Variants in NLK observed in about 807,000 individuals in gnomAD.
NLK encodes the protein nemo like kinase.
Under a neutral mutation model 59.0 loss-of-function variants are expected in NLK, and 11 were observed. The ratio of observed to expected loss-of-function variants is 0.19; its 90% CI spans 0.12 to 0.31. The LOEUF is 0.31. NLK is among the 10% of genes least tolerant of loss of function. The probability of loss-of-function intolerance (pLI) is 1.00; values close to 1 mark genes in which losing one functional copy is unlikely to be tolerated. For missense variants in NLK, 410 were observed against 661.1 expected (o/e 0.62, Z 4.16); for synonymous variants, 235 against 235.9 (o/e 1.00, Z 0.03).
At chr17:28,069,584 G>C (rs1219269773) in intron 1 of NLK, among the ~76,000 whole-genome samples, 1 of 152,166 alleles carries the variant, frequency 6.6e-6, no homozygotes, top group Non-Finnish European at 1.5e-5. Flanking sequence ...TAGTGGGTGT[G>C]AAGTAGTATC....
intron 3 of NLK, among the ~76,000 whole-genome samples, chr17:28,158,304 A>G (rs1437398762): frequency 6.6e-6 from 1 of 152,206 alleles, no homozygotes; most frequent in Non-Finnish European, 1.5e-5. Flanking sequence ...AGGTACAGTA[A>G]AAATATGATA....
At chr17:28,074,342 A>G (rs1446379089) in intron 1 of NLK, among the ~76,000 whole-genome samples, 5 of 152,188 alleles carry the variant, frequency 3.3e-5, no homozygotes, top group African/African-American at 1.2e-4. Flanking sequence ...AAAGTTGGAG[A>G]AAAAAATTAC....
chr17:28,125,593 G>A (rs1356811690), intron 2 of NLK, among the ~76,000 whole-genome samples: 1 of 152,080 alleles, frequency 6.6e-6, no homozygotes, highest in African/African-American at 2.4e-5. Flanking sequence ...AGTTGAAGAT[G>A]GCACAGCACC....
intron 1 of NLK, among the ~76,000 whole-genome samples, chr17:28,089,100 G>A (rs1904388685): frequency 6.6e-6 from 1 of 152,120 alleles, no homozygotes; most frequent in Non-Finnish European, 1.5e-5. Context: ...TTTAGATGAT[G>A]TAAAGAACTT....
At chr17:28,171,288 A>G (rs1908454053) in intron 6 of NLK, 1 of 152,234 alleles carries the variant, frequency 6.6e-6, no homozygotes, top group Admixed American at 6.5e-5. Context: ...ATAAGTGCAG[A>G]AAATAGTGCT....
At chr17:28,172,726 AT>A (rs35713608) in intron 7 of NLK, 108 bp downstream of exon 7, 30,780 of 412,072 alleles carry the variant, frequency 0.075, 696 homozygotes, top group African/African-American at 0.18. Context: ...TATCTGTAGG[AT>A]TTTTTTTTTT....
At chr17:28,115,834 T>C (rs1905741443) in intron 1 of NLK, among the ~76,000 whole-genome samples, 1 of 151,808 alleles carries the variant, frequency 6.6e-6, no homozygotes, top group South Asian at 2.1e-4. Context: ...TCCCAGATAT[T>C]ACATATTTTT....
intron 2 of NLK, among the ~76,000 whole-genome samples, chr17:28,129,503 T>C (rs1013516976): frequency 3.3e-5 from 5 of 152,102 alleles, no homozygotes; most frequent in Non-Finnish European, 5.9e-5. Flanking sequence ...CTGGGTGGTA[T>C]TTACATAGAA....
At chr17:28,045,352 T>A (rs1408625511) in intron 1 of NLK, among the ~76,000 whole-genome samples, 1 of 152,228 alleles carries the variant, frequency 6.6e-6, no homozygotes, top group African/African-American at 2.4e-5. Flanking sequence ...ATTGATCTAG[T>A]CAGGTCCTTC....
At chr17:28,115,005 A>T (rs1208045159) in intron 1 of NLK, among the ~76,000 whole-genome samples, 3 of 152,224 alleles carry the variant, frequency 2.0e-5, no homozygotes, top group Non-Finnish European at 2.9e-5. Flanking sequence ...GATTGGAATT[A>T]TTCAAATTTA....
intron 1 of NLK, among the ~76,000 whole-genome samples, chr17:28,080,124 T>C (rs1374702004): frequency 1.1e-4 from 17 of 152,186 alleles, no homozygotes; most frequent in Admixed American, 1.0e-3. Flanking sequence ...ATTTTGTGCA[T>C]GTTTGTGTGT....
At chr17:28,108,552 A>G (rs913148946) in intron 1 of NLK, among the ~76,000 whole-genome samples, 3 of 152,246 alleles carry the variant, frequency 2.0e-5, no homozygotes, top group Non-Finnish European at 4.4e-5. Flanking sequence ...AAAGTAAAGC[A>G]TGTTACTGTA....
intron 1 of NLK, among the ~76,000 whole-genome samples, chr17:28,114,154 A>T (rs1326698004): frequency 4.6e-5 from 7 of 152,136 alleles, no homozygotes; most frequent in Non-Finnish European, 1.0e-4. Flanking sequence ...CTGTTTGTGG[A>T]TATTTAAGCT....
intron 1 of NLK, among the ~76,000 whole-genome samples, chr17:28,050,701 T>C (rs900006653): frequency 6.6e-6 from 1 of 152,070 alleles, no homozygotes; most frequent in East Asian, 1.9e-4. Context: ...TGGAAGAAGC[T>C]ACTGGAAGCA....
intron 3 of NLK, among the ~76,000 whole-genome samples, chr17:28,149,904 A>G (rs1907411645): frequency 1.3e-5 from 2 of 152,206 alleles, no homozygotes; most frequent in South Asian, 2.1e-4. Context: ...AAACATGGCA[A>G]GGGAAGGAAT....
At chr17:28,144,952 A>C (rs1461929844) in intron 3 of NLK, among the ~76,000 whole-genome samples, 1 of 152,232 alleles carries the variant, frequency 6.6e-6, no homozygotes, top group Non-Finnish European at 1.5e-5. Flanking sequence ...CACTAGCACA[A>C]ATCTGGATTT....
At chr17:28,192,307 CATAG>C in intron 10 of NLK, 94 bp downstream of exon 10, 1 of 706,476 alleles carries the variant, frequency 1.4e-6, no homozygotes, top group Non-Finnish European at 2.4e-6. Context: ...ATTTAGATAA[CATAG>C]ATAAAAGGTG....
intron 1 of NLK, among the ~76,000 whole-genome samples, chr17:28,051,579 G>C (rs1311377727): frequency 2.0e-5 from 3 of 151,228 alleles, no homozygotes; most frequent in African/African-American, 7.3e-5. Context: ...GGATGGTCTC[G>C]ATCTCTTGAC....
chr17:28,193,595 A>G (rs1909386615), intron 10 of NLK, among the ~76,000 whole-genome samples: 1 of 152,180 alleles, frequency 6.6e-6, no homozygotes, highest in Non-Finnish European at 1.5e-5. Context: ...CAGTATCACA[A>G]AGCAGGACAA....
Sources: gnomAD v4.1 joint callset for allele counts (sites outside exome capture counted in the v4.1 genomes callset) on GRCh38, gnomAD v4.1.1 for gene constraint, MANE v1.5 for transcripts, NCBI Gene and HGNC (gene_info 2026-07-23, HGNC 2026-07-21) for gene names.